RDX: variants seen among roughly 807,000 people sequenced by gnomAD.
The protein encoded by RDX is radixin.
In RDX, 32 loss-of-function variants were observed where a neutral mutation model predicts 83.7. The ratio of observed to expected loss-of-function variants is 0.38; its 90% CI spans 0.29 to 0.51. The LOEUF is 0.51. Among genes scored for constraint, RDX ranks in the 20% least tolerant of loss-of-function variants. The pLI is 0.87. For synonymous variants in RDX, 229 were observed against 222.7 expected, an observed-to-expected ratio of 1.03 and a Z score of -0.25; for missense variants, 600 against 689.9, an observed-to-expected ratio of 0.87 and a Z score of 1.46.
At chr11:110,216,723 G>T (rs986661392) in intron 14 of RDX, among the ~76,000 whole-genome samples, 2 of 151,536 alleles carry the variant, frequency 1.3e-5, no homozygotes, top group African/African-American at 4.9e-5. Context: ...TTGCTATGTT[G>T]CCCAGGCTGG....
At chr11:110,198,884 C>T (rs1216464806) in intron 15 of RDX, among the ~76,000 whole-genome samples, 7 of 151,244 alleles carry the variant, frequency 4.6e-5, no homozygotes, top group Non-Finnish European at 1.0e-4. Context: ...GGTGCCATCT[C>T]GGCTCACTGC....
intron 12 of RDX, among the ~76,000 whole-genome samples, chr11:110,235,732 T>C (rs1565306469): frequency 1.3e-5 from 2 of 152,230 alleles, no homozygotes; most frequent in Non-Finnish European, 1.5e-5. Flanking sequence ...AAATCTATTA[T>C]ATACATTCAT....
At chr11:110,253,832 A>G (rs1859433787) in intron 9 of RDX, 114 bp downstream of exon 9, 1 of 866,662 alleles carries the variant, frequency 1.2e-6, no homozygotes, top group African/African-American at 1.7e-5. Context: ...GAATTTTAAT[A>G]TAATGAAAAT....
At chr11:110,251,670 G>A (rs1193306527) in intron 9 of RDX, among the ~76,000 whole-genome samples, 1 of 152,070 alleles carries the variant, frequency 6.6e-6, no homozygotes, top group Admixed American at 6.6e-5. Context: ...GGGGCTTTCA[G>A]TTTTCACATG....
At chr11:110,282,853 T>A (rs527439322) in intron 1 of RDX, among the ~76,000 whole-genome samples, 2 of 152,146 alleles carry the variant, frequency 1.3e-5, no homozygotes, top group Non-Finnish European at 2.9e-5. Context: ...AGAGTGCACA[T>A]GTAGTCCTAG....
At chr11:110,293,670 G>C (rs1353022232) in intron 1 of RDX, among the ~76,000 whole-genome samples, 1 of 152,170 alleles carries the variant, frequency 6.6e-6, no homozygotes, top group Non-Finnish European at 1.5e-5. Flanking sequence ...TTGTACCCCA[G>C]GGGTAGTATC....
At position 110,231,477 on chromosome 11, in the gene RDX, T is replaced by G; in HGVS notation, c.*392A>C. On this transcript the variant is annotated 3_prime_UTR_variant, in exon 14 of 14. Transcript: ENST00000645495. ...GAGTGAGAGAGAATGTGGAAATAGG[T>G]TAAATATGGAAAGGGCAAGGGAAAC... is the stretch of plus-strand genomic sequence containing the variant. 4.2e-6 allele frequency: 1 copy of G among 239,670 alleles called. No homozygotes were observed. Among genetic ancestry groups the G allele is most frequent in the Non-Finnish European group, 8.2e-6 (1 of 121,250 alleles). The allele number at this position is 239,670 out of a possible 1,614,324, so 14.8% of individuals were successfully genotyped here.
chr11:110,226,926 T>C (rs12272333), downstream of RDX, among the ~76,000 whole-genome samples: 7,201 of 152,242 alleles, frequency 0.047, 574 homozygotes, highest in African/African-American at 0.16. Context: ...GTTACTAATT[T>C]TCCTGCTTAT....
intron 15 of RDX, among the ~76,000 whole-genome samples, chr11:110,179,520 C>T (rs1003571336): frequency 1.3e-5 from 2 of 152,200 alleles, no homozygotes; most frequent in African/African-American, 4.8e-5. Flanking sequence ...TGCCTGTAAT[C>T]CCAGCACTTC....
chr11:110,215,540 A>G (rs1342791238), intron 14 of RDX, among the ~76,000 whole-genome samples: 1 of 152,140 alleles, frequency 6.6e-6, no homozygotes, highest in African/African-American at 2.4e-5. Flanking sequence ...ACAAGCCCAC[A>G]TGCAGTGGTT....
chr11:110,249,541 CA>C lies in RDX; in HGVS notation c.960-1709del, dbSNP rs575753346. Among the ~76,000 whole-genome samples, 403 of 152,258 alleles carry C rather than the reference CA, an allele frequency of 2.6e-3. 2 individuals carry two copies. The highest frequency in any genetic ancestry group is 0.01 in the Middle Eastern group (3 of 294). The stretch of plus-strand genomic sequence containing the variant: ...TCCTAGTGCATGCACTAAGCTAAAA[CA>C]TAACGGGTCACCACACCTTGCTGCT... On this transcript the variant is annotated intron_variant, in intron 9 of 13. Transcript: ENST00000645495.
chr11:110,282,677 G>T (rs1057413941), intron 1 of RDX, among the ~76,000 whole-genome samples: 1 of 152,052 alleles, frequency 6.6e-6, no homozygotes, highest in Admixed American at 6.6e-5. Context: ...ACAAAGGCAG[G>T]TATTAAACCC....
chr11:110,271,537 C>T (rs148526337), intron 3 of RDX, among the ~76,000 whole-genome samples: 2 of 152,134 alleles, frequency 1.3e-5, no homozygotes, highest in Non-Finnish European at 2.9e-5. Context: ...GCAAAACTTG[C>T]TTACATTGCA....
rs900808409 is a variant in RDX, at chr11:110,252,713, T to C, written c.959+1233A>G. Among the ~76,000 whole-genome samples the C allele has an allele frequency of 3.3e-5, 5 of 152,318 alleles. No individual in the cohort carries two copies. The East Asian group carries it at 9.6e-4, about 29-fold the overall frequency. On this transcript the variant is annotated intron_variant, in intron 9 of 13. Transcript: ENST00000645495. ...ATTTAAGATTAGAACCACAATGTAA[T>C]GCTACAGCACATGAGCACAATAAAA...
intron 1 of RDX, among the ~76,000 whole-genome samples, chr11:110,289,539 G>A (rs1337491790): frequency 6.6e-6 from 1 of 152,156 alleles, no homozygotes; most frequent in Non-Finnish European, 1.5e-5. Flanking sequence ...CAATGGCTAA[G>A]AAAATTTAAT....
chr11:110,175,670 C>G (rs1423115284), intron 15 of RDX, among the ~76,000 whole-genome samples: 1 of 152,156 alleles, frequency 6.6e-6, no homozygotes, highest in East Asian at 1.9e-4. Context: ...CTTCAAAGCC[C>G]TCTCCCCACT....
At chr11:110,276,524 A>G (rs1860525113) in intron 2 of RDX, among the ~76,000 whole-genome samples, 1 of 152,166 alleles carries the variant, frequency 6.6e-6, no homozygotes, top group East Asian at 1.9e-4. Context: ...AAAATACACC[A>G]TTTATGATTT....
chr11:110,199,657 T>C (rs1010751436), exon 15 of RDX: 1 of 702,922 alleles, frequency 1.4e-6, no homozygotes, highest in East Asian at 2.7e-5. Context: ...TCTGGAACAA[T>C]GCATACAGTT....
At chr11:110,271,692 C>G (rs1233420480) in intron 3 of RDX, among the ~76,000 whole-genome samples, 1 of 152,106 alleles carries the variant, frequency 6.6e-6, no homozygotes, top group Admixed American at 6.6e-5. Context: ...CTAATACGCA[C>G]TCAAGACTGA....
Sources: allele counts gnomAD v4.1 joint callset (sites outside exome capture counted in the v4.1 genomes callset), GRCh38; gene constraint gnomAD v4.1.1; transcripts MANE v1.5; gene names NCBI Gene and HGNC (gene_info 2026-07-23, HGNC 2026-07-21).